NUP93: variants seen among roughly 807,000 people sequenced by gnomAD.
NUP93 encodes nuclear pore complex protein Nup93.
Under a neutral mutation model 107.8 loss-of-function variants are expected in NUP93, and 55 were observed. That is an observed-to-expected ratio of 0.51 (90% CI 0.41 to 0.64). The LOEUF is 0.64. Among genes scored for constraint, NUP93 ranks in the 30% least tolerant of loss-of-function variants. NUP93 has a pLI of 0.00. For missense variants in NUP93, 937 were observed against 1,044.7 expected, an observed-to-expected ratio of 0.90 and a Z score of 1.42; for synonymous variants, 390 against 397.5, an observed-to-expected ratio of 0.98 and a Z score of 0.22.
intron 20 of NUP93, among the ~76,000 whole-genome samples, chr16:56,840,168 C>A (rs1222318961): frequency 3.9e-5 from 6 of 152,082 alleles, no homozygotes; most frequent in African/African-American, 1.4e-4. Context: ...CTACAGGTGC[C>A]CGCCAACACG....
chr16:56,789,481 C>T (rs1962705008), intron 3 of NUP93, among the ~76,000 whole-genome samples: 1 of 152,226 alleles, frequency 6.6e-6, no homozygotes, highest in South Asian at 2.1e-4. Flanking sequence ...GACAGATGGC[C>T]TGGTGCCCAC....
rs1963762049 is a variant in NUP93 at position 56,830,582 on chromosome 16, T to C, written c.982T>C (p.Cys328Arg). The change falls in exon 10 of 22, where the codon TGT (cysteine) becomes CGT (arginine). Residue 328 changes from cysteine (C) to arginine (R), a missense_variant. By Grantham distance (180) the Cys-to-Arg change is radical (BLOSUM62 -3). Coordinates refer to ENST00000308159, the MANE Select transcript of NUP93 (RefSeq NM_014669.5). ...GGCGCTAATTTACTACTGCATGCGC[T>C]GTGGAGACCTGCTTGCCGCTTCACA... is the stretch of plus-strand genomic sequence containing the variant. ...VWALIYYCMRCGDLLAASQVV... is the reference protein window; with the variant it reads ...VWALIYYCMRRGDLLAASQVV... 6.2e-7 allele frequency: 1 copy of C among 1,610,194 alleles called. No individual in the cohort carries two copies. The highest frequency in any genetic ancestry group is 1.3e-5 in the African/African-American group (1 of 74,898).
rs752532844 is a variant in NUP93 at position 56,839,694 on chromosome 16, T to C, written c.2220+90T>C. 4 of 1,029,652 alleles carry C rather than the reference T, an allele frequency of 3.9e-6. No individual in the cohort carries two copies. The Admixed American group carries it at 7.8e-5, about 20-fold the overall frequency. The allele number at this position is 1,029,652 out of a possible 1,614,324, so 63.8% of individuals were successfully genotyped here. A position where few individuals can be genotyped will look rare whatever the true frequency, so the allele number is the denominator to read the frequency against. On this transcript the variant is annotated intron_variant, in intron 20 of 21. Transcript: ENST00000308159. ...TTCCTGTACCTAACAGCTTTAAGAA[T>C]TCTAGTTACAGTAACTATCCAGACT...
At chr16:56,812,046 A>G (rs1467903828) in intron 5 of NUP93, among the ~76,000 whole-genome samples, 1 of 152,224 alleles carries the variant, frequency 6.6e-6, no homozygotes, top group East Asian at 1.9e-4. Context: ...GACAATATCT[A>G]AAACATTCTT....
intron 3 of NUP93, chr16:56,782,775 TCA>T (rs1189118480): frequency 6.6e-6 from 1 of 152,122 alleles, no homozygotes; most frequent in Non-Finnish European, 1.5e-5. Flanking sequence ...TTGAACTATC[TCA>T]CAGGAAATGT....
intron 17 of NUP93, among the ~76,000 whole-genome samples, 164 bp from the exon 18 acceptor site, chr16:56,837,443 AT>A (rs1476280823): frequency 2.0e-5 from 3 of 152,206 alleles, no homozygotes; most frequent in Non-Finnish European, 4.4e-5. Context: ...CATGCCTGTA[AT>A]CCCAGCTGCT....
At chr16:56,810,174 C>T (rs1963282815) in intron 5 of NUP93, among the ~76,000 whole-genome samples, 1 of 152,184 alleles carries the variant, frequency 6.6e-6, no homozygotes, top group African/African-American at 2.4e-5. Context: ...GTTGTGACAC[C>T]TGGCAGAGTA....
chr16:56,758,509 A>G (rs1257170252), intron 2 of NUP93, 29 bp from the exon 3 acceptor site: 2 of 1,530,556 alleles, frequency 1.3e-6, no homozygotes, highest in Non-Finnish European at 1.8e-6. Flanking sequence ...CCCCTTACTT[A>G]TATCTCCCTA....
Position 56,823,741 on chromosome 16 carries a change from T to C in NUP93, c.689T>C (p.Met230Thr), listed in dbSNP as rs1963597649. The change falls in exon 8 of 22, where the codon ATG becomes ACG. Residue 230 changes from methionine (M) to threonine (T), a missense_variant. Coordinates refer to ENST00000308159, the MANE Select transcript of NUP93 (RefSeq NM_014669.5). ...ISDMWTMVKQMTDVLLTPATD... is the reference protein window; with the variant it reads ...ISDMWTMVKQTTDVLLTPATD... The stretch of plus-strand genomic sequence containing the variant: ...GACATGTGGACCATGGTAAAACAAA[T>C]GACAGACGTGTTGTTGACACCGGCA... 1 of 1,614,032 alleles carries C rather than the reference T, an allele frequency of 6.2e-7. No individual in the cohort carries two copies. The highest frequency in any genetic ancestry group is 1.7e-5 in the Admixed American group (1 of 60,006).
chr16:56,834,470 C>G, intron 15 of NUP93, 28 bp downstream of exon 15: 2 of 1,610,254 alleles, frequency 1.2e-6, no homozygotes, highest in Non-Finnish European at 1.7e-6. Flanking sequence ...TCTCTCCTCC[C>G]CATGGTTTTC....
At chr16:56,790,434 C>T (rs1258947904) in intron 3 of NUP93, among the ~76,000 whole-genome samples, 5 of 152,106 alleles carry the variant, frequency 3.3e-5, no homozygotes, top group Admixed American at 6.6e-5. Flanking sequence ...AGGCGCTCTC[C>T]GTGTAGGCAC....
At chr16:56,815,625 G>A (rs1467268211) in intron 5 of NUP93, among the ~76,000 whole-genome samples, 1 of 152,198 alleles carries the variant, frequency 6.6e-6, no homozygotes, top group Non-Finnish European at 1.5e-5. Context: ...ATAACAGCTA[G>A]TGTTTATTGA....
chr16:56,733,039 G>A (rs1354309688), intron 1 of NUP93, among the ~76,000 whole-genome samples: 6 of 152,192 alleles, frequency 3.9e-5, no homozygotes, highest in Non-Finnish European at 4.4e-5. Flanking sequence ...GCATACATAG[G>A]AGTTCCCCAT....
At chr16:56,830,368 G>A (rs1963755869) in intron 9 of NUP93, among the ~76,000 whole-genome samples, 160 bp from the exon 10 acceptor site, 1 of 152,158 alleles carries the variant, frequency 6.6e-6, no homozygotes, top group African/African-American at 2.4e-5. Context: ...TTCCTTGTTT[G>A]TAAAACAGGA....
rs570681616 is a variant in NUP93, at chr16:56,799,775, A to G, written c.360+1237A>G. Among the ~76,000 whole-genome samples, 3 of 152,382 alleles carry G rather than the reference A, an allele frequency of 2.0e-5. No individual in the cohort carries two copies. In the South Asian group the frequency reaches 6.2e-4, roughly 32 times the overall value. On this transcript the variant is annotated intron_variant, in intron 4 of 21. Coordinates refer to ENST00000308159, the MANE Select transcript of NUP93 (RefSeq NM_014669.5). ...TTTATTAAAATATTCTGTGAAGGTG[A>G]ACATGTCTCAGTAGTACTGAGGTGA...
At chr16:56,816,611 A>G (rs13338782) in intron 5 of NUP93, among the ~76,000 whole-genome samples, 19,990 of 152,170 alleles carry the variant, frequency 0.13, 1,419 homozygotes, top group South Asian at 0.19. Context: ...CAACCCTCCA[A>G]TCAGTAAAAG....
At chr16:56,772,837 A>G (rs1463304487) in intron 3 of NUP93, among the ~76,000 whole-genome samples, 2 of 152,174 alleles carry the variant, frequency 1.3e-5, no homozygotes, top group African/African-American at 4.8e-5. Flanking sequence ...TGTCTGACTC[A>G]GCTTGGTATT....
chr16:56,781,808 C>A, intron 3 of NUP93: 1 of 984,132 alleles, frequency 1.0e-6, no homozygotes, highest in African/African-American at 1.7e-5. Flanking sequence ...CAATAAAATA[C>A]CCTTCTGTAA....
At chr16:56,832,079 C>T (rs1963804721) in intron 11 of NUP93, 72 bp downstream of exon 11, 3 of 1,554,554 alleles carry the variant, frequency 1.9e-6, no homozygotes, top group African/African-American at 1.4e-5. Context: ...AAAGATTTTA[C>T]CTGCTTAATG....
Sources: gnomAD v4.1 joint callset for allele counts (sites outside exome capture counted in the v4.1 genomes callset) on GRCh38, gnomAD v4.1.1 for gene constraint, MANE v1.5 for transcripts, NCBI Gene and HGNC (gene_info 2026-07-23, HGNC 2026-07-21) for gene names.